Variants in SI observed in about 807,000 individuals in gnomAD.
SI encodes the protein sucrase-isomaltase, intestinal.
A neutral mutation model predicts 253.3 loss-of-function variants in SI; 235 were observed. That is an observed-to-expected ratio of 0.93 (90% CI 0.83 to 1.03). SI has a LOEUF of 1.03. Among genes scored for constraint, SI ranks in the 50% least tolerant of loss-of-function variants. The pLI, the probability that SI is intolerant of heterozygous loss-of-function variation, is 0.00. For synonymous variants in SI, 819 were observed against 712.0 expected (o/e 1.15, Z -2.39); for missense variants, 2,442 against 2,211.1 (o/e 1.10, Z -2.09).
chr3:165,066,006 T>C (rs1714228748), intron 6 of SI, among the ~76,000 whole-genome samples: 1 of 151,904 alleles, frequency 6.6e-6, no homozygotes, highest in Non-Finnish European at 1.5e-5. Flanking sequence ...CAGCCCTCCA[T>C]ATCTGTGAGT....
chr3:164,981,466 T>A (rs540294963), intron 47 of SI, among the ~76,000 whole-genome samples: 1 of 152,202 alleles, frequency 6.6e-6, no homozygotes, highest in South Asian at 2.1e-4. Flanking sequence ...ATTTTAGAAT[T>A]TAAGTTCATC....
At chr3:164,982,441 C>T in intron 46 of SI, 31 bp from the exon 47 acceptor site, 1 of 1,531,128 alleles carries the variant, frequency 6.5e-7, no homozygotes, top group East Asian at 2.3e-5. Flanking sequence ...ATAACATAAA[C>T]ACTTTATTTG....
intron 3 of SI, among the ~76,000 whole-genome samples, chr3:165,073,911 T>C (rs1226759435): frequency 6.6e-6 from 1 of 151,990 alleles, no homozygotes; most frequent in South Asian, 2.1e-4. Context: ...GATTTTGGTA[T>C]CCTCAGAAGT....
Position 164,985,846 on chromosome 3 carries a change from A to C in SI, c.5197+1292T>G, listed in dbSNP as rs1717408041. ...CTGAGTTTCTCCTAAAATTAATGAA[A>C]CTTGAATGAGTCCTATAATCTGCAT... On this transcript the variant is annotated intron_variant, in intron 45 of 47. Transcript: ENST00000264382. 2.0e-5 allele frequency among the ~76,000 whole-genome samples: 3 copies of C among 152,080 alleles called. No individual in the cohort carries two copies. The South Asian group carries it at 6.2e-4, about 31-fold the overall frequency.
intron 44 of SI, among the ~76,000 whole-genome samples, chr3:164,989,388 G>GAAA (rs35600989): frequency 0.11 from 6,331 of 57,676 alleles, 278 homozygotes; most frequent in East Asian, 0.19. Context: ...AAGAAAGAAA[G>GAAA]GAAGAAAGAA....
intron 47 of SI, among the ~76,000 whole-genome samples, chr3:164,981,332 A>C (rs1717180776): frequency 6.6e-6 from 1 of 152,074 alleles, no homozygotes; most frequent in African/African-American, 2.4e-5. Flanking sequence ...AGTTTCAAAA[A>C]GATGGAACAG....
chr3:165,016,150 A>G, intron 31 of SI, 70 bp from the exon 32 acceptor site: 2 of 1,377,186 alleles, frequency 1.5e-6, no homozygotes, highest in Non-Finnish European at 2.1e-6. Context: ...ATTTTATCAT[A>G]CTTATAAAAG....
At chr3:164,998,513 A>G in intron 38 of SI, 27 bp downstream of exon 38, 2 of 1,609,918 alleles carry the variant, frequency 1.2e-6, no homozygotes. Context: ...ACACAAAATA[A>G]TAATAAAGAT....
chr3:165,030,899 G>GAAA, intron 24 of SI, 32 bp from the exon 25 acceptor site: 2 of 1,127,368 alleles, frequency 1.8e-6, no homozygotes, highest in Non-Finnish European at 2.4e-6. Context: ...AAGAAAAAAA[G>GAAA]AAAAAAAAAA....
At chr3:165,012,857 T>C in intron 34 of SI, 123 bp downstream of exon 34, 1 of 754,590 alleles carries the variant, frequency 1.3e-6, no homozygotes, top group Non-Finnish European at 2.4e-6. Flanking sequence ...TGGTCTGATA[T>C]CGATAATTTA....
chr3:164,992,489 G>T, intron 41 of SI, 92 bp from the exon 42 acceptor site: 1 of 835,496 alleles, frequency 1.2e-6, no homozygotes, highest in Non-Finnish European at 1.9e-6. Context: ...TTTGTAGTAT[G>T]GACTTTTGTG....
Position 165,019,725 on chromosome 3 carries a change from A to G in SI, c.3300T>C (p.Ile1100=). The G allele has an allele frequency of 3.1e-6, 5 of 1,612,744 alleles. No homozygotes were observed. Among genetic ancestry groups the G allele is most frequent in the Non-Finnish European group, 4.2e-6 (5 of 1,179,084 alleles). The change falls in exon 28 of 48, where the codon ATT becomes ATC. Residue 1100 remains isoleucine (I), a synonymous_variant. Coordinates refer to ENST00000264382, the MANE Select transcript of SI (RefSeq NM_001041.4). ...LPGFAFNDQF[I]QISTRLPSEY... The stretch of plus-strand genomic sequence containing the variant: ...CTGATGGCAGGCGAGTCGATATTTG[A>G]ATGAACTGGTCATTAAAAGCAAATC...
intron 25 of SI, 28 bp downstream of exon 25, chr3:165,030,683 TC>T (rs754579411): frequency 1.2e-6 from 2 of 1,601,074 alleles, no homozygotes; most frequent in African/African-American, 2.7e-5. Flanking sequence ...GATAACCATA[TC>T]ATGAGTAATA....
chr3:164,981,860 G>T (rs1717204116), intron 47 of SI, among the ~76,000 whole-genome samples: 1 of 152,102 alleles, frequency 6.6e-6, no homozygotes, highest in African/African-American at 2.4e-5. Context: ...ATTAATGGGT[G>T]CTGACAGTTT....
At chr3:165,028,984 G>A (rs138552596) in intron 25 of SI, among the ~76,000 whole-genome samples, 69 of 151,570 alleles carry the variant, frequency 4.6e-4, no homozygotes, top group Non-Finnish European at 6.7e-4. Flanking sequence ...AGAGTAAACA[G>A]ACAACCCACA....
rs1714029046 is a variant in SI at position 165,062,363 on chromosome 3, A to C, written c.1020+8T>G. The C allele has an allele frequency of 7.9e-6, 11 of 1,385,620 alleles. No homozygotes were observed. Among genetic ancestry groups the C allele is most frequent in the Non-Finnish European group, 1.0e-5 (10 of 972,454 alleles). 85.8% of individuals were successfully genotyped at this position (1,385,620 alleles called of 1,614,324 possible). A position where few individuals can be genotyped will look rare whatever the true frequency, so the allele number is the denominator to read the frequency against. On this transcript the variant is annotated splice_region_variant and intron_variant, in intron 9 of 47. Coordinates refer to ENST00000264382, the MANE Select transcript of SI (RefSeq NM_001041.4). ...GAAAAAATTTTATAAAATAGACCTGAAACACACCTGTTGATACTGTTGAAC... is the reference window on the plus strand; with the variant it reads ...GAAAAAATTTTATAAAATAGACCTGCAACACACCTGTTGATACTGTTGAAC...
chr3:165,054,680 G>A (rs1235172811), intron 13 of SI, among the ~76,000 whole-genome samples: 1 of 152,046 alleles, frequency 6.6e-6, no homozygotes, highest in Non-Finnish European at 1.5e-5. Context: ...AAGTTTATGA[G>A]CAAACTAGGA....
At chr3:165,058,886 ACG>A in intron 12 of SI, 75 bp downstream of exon 12, 19 of 1,199,764 alleles carry the variant, frequency 1.6e-5, no homozygotes, top group South Asian at 1.5e-4. Context: ...ACACACACAC[ACG>A]CACATCCACA....
chr3:164,984,754 A>T, intron 45 of SI, among the ~76,000 whole-genome samples: 1 of 152,142 alleles, frequency 6.6e-6, no homozygotes, highest in East Asian at 1.9e-4. Flanking sequence ...TTTCAAGATA[A>T]TTTGTTACCA....
Sources: gnomAD v4.1 joint callset for allele counts (sites outside exome capture counted in the v4.1 genomes callset) on GRCh38, gnomAD v4.1.1 for gene constraint, MANE v1.5 for transcripts, NCBI Gene and HGNC (gene_info 2026-07-23, HGNC 2026-07-21) for gene names.